Variants in MAGI1 observed in about 807,000 individuals in gnomAD.
The protein encoded by MAGI1 is membrane-associated guanylate kinase, WW and PDZ domain-containing protein 1.
MAGI1 carries 58 observed loss-of-function variants against 139.9 expected under a neutral mutation model. That is an observed-to-expected ratio of 0.41 (90% CI 0.34 to 0.52). The LOEUF is 0.52. Ranked by LOEUF, MAGI1 falls within the 20% of genes least tolerant of loss-of-function variation. The probability of loss-of-function intolerance (pLI) is 0.12; values close to 1 mark genes in which losing one functional copy is unlikely to be tolerated. For missense variants in MAGI1, 1,874 were observed against 1,901.6 expected, an observed-to-expected ratio of 0.99 and a Z score of 0.27; for synonymous variants, 812 against 737.9, an observed-to-expected ratio of 1.10 and a Z score of -1.63.
At chr3:65,922,076 C>T (rs2062232170) in intron 1 of MAGI1, among the ~76,000 whole-genome samples, 1 of 152,168 alleles carries the variant, frequency 6.6e-6, no homozygotes, top group Non-Finnish European at 1.5e-5. Context: ...TGGTTTATCT[C>T]CATCACTCAT....
intron 3 of MAGI1, among the ~76,000 whole-genome samples, chr3:65,490,467 G>C (rs1018889794): frequency 6.6e-6 from 1 of 152,148 alleles, no homozygotes; most frequent in Admixed American, 6.5e-5. Flanking sequence ...ACTCCGATGA[G>C]GGTATATGGC....
At chr3:65,634,141 C>T (rs986575506) in intron 1 of MAGI1, among the ~76,000 whole-genome samples, 31 of 152,132 alleles carry the variant, frequency 2.0e-4, no homozygotes, top group African/African-American at 7.5e-4. Flanking sequence ...GCCCCATCAC[C>T]CAGGTAGCAA....
chr3:65,569,769 TG>T (rs2080858460), intron 2 of MAGI1, among the ~76,000 whole-genome samples: 1 of 151,684 alleles, frequency 6.6e-6, no homozygotes. Flanking sequence ...CCCTTCTACT[TG>T]GGGGGCTGAT....
intron 1 of MAGI1, among the ~76,000 whole-genome samples, chr3:66,019,364 A>G (rs758840662): frequency 6.6e-5 from 10 of 152,272 alleles, no homozygotes; most frequent in Non-Finnish European, 1.5e-4. Flanking sequence ...TCTATATACC[A>G]GTGGCACTTC....
intron 2 of MAGI1, among the ~76,000 whole-genome samples, chr3:65,530,734 T>C (rs1463483153): frequency 1.9e-4 from 21 of 110,056 alleles, no homozygotes; most frequent in African/African-American, 6.4e-4. Context: ...CACACGTATA[T>C]ATATATGCAC....
intron 1 of MAGI1, among the ~76,000 whole-genome samples, chr3:65,789,112 T>C (rs1577123341): frequency 6.6e-6 from 1 of 151,994 alleles, no homozygotes. Flanking sequence ...GCCTAGGAGG[T>C]GGAGGCTATA....
chr3:65,493,776 A>G, intron 2 of MAGI1, 145 bp from the exon 3 acceptor site: 7 of 844,808 alleles, frequency 8.3e-6, no homozygotes, highest in Middle Eastern at 2.7e-4. Flanking sequence ...GGGACACAGT[A>G]AAGGCAACTT....
chr3:65,437,213 A>T lies in MAGI1; in HGVS notation c.1305T>A (p.Pro435=), dbSNP rs753419226. The T allele has an allele frequency of 1.2e-6, 2 of 1,612,254 alleles. No individual in the cohort carries two copies. The highest frequency in any genetic ancestry group is 2.2e-5 in the South Asian group (2 of 90,998). The change falls in exon 10 of 23, where the codon CCT becomes CCA. Residue 435 remains proline (P), a synonymous_variant. Coordinates refer to ENST00000402939, the MANE Select transcript of MAGI1 (RefSeq NM_001033057.2). ...TGCTTGGAGGGTGGTTTGGAATAAC[A>T]GGAGGCACAAGGGCTGAGTGATCTT... ...WTEDHSALVP[P]VIPNHPPSNP... is the part of the protein sequence containing the mutation.
chr3:65,840,740 G>GTTTTGT (rs1329675861), intron 1 of MAGI1, among the ~76,000 whole-genome samples: 2 of 152,086 alleles, frequency 1.3e-5, no homozygotes, highest in East Asian at 3.9e-4. Flanking sequence ...GTAGCTGTTT[G>GTTTTGT]TTTTGTTTTT....
chr3:65,632,391 G>A (rs2107165427), intron 1 of MAGI1, among the ~76,000 whole-genome samples: 1 of 152,252 alleles, frequency 6.6e-6, no homozygotes, highest in South Asian at 2.1e-4. Flanking sequence ...TTCATTTTGA[G>A]AAACTGCTTG....
intron 1 of MAGI1, among the ~76,000 whole-genome samples, chr3:66,027,265 C>CAAAAAAAT (rs761343259): frequency 0.031 from 2,147 of 69,786 alleles, 54 homozygotes; most frequent in Middle Eastern, 0.054. Context: ...GACTCCGTCT[C>CAAAAAAAT]AAATAAATAA....
chr3:65,588,559 G>A (rs2081804243), intron 2 of MAGI1, among the ~76,000 whole-genome samples: 1 of 152,140 alleles, frequency 6.6e-6, no homozygotes, highest in South Asian at 2.1e-4. Flanking sequence ...GGTGAGATGG[G>A]CAGTTCAAAT....
intron 1 of MAGI1, among the ~76,000 whole-genome samples, chr3:65,650,470 T>C (rs753648920): frequency 4.6e-5 from 7 of 152,204 alleles, no homozygotes; most frequent in Non-Finnish European, 8.8e-5. Context: ...GAAGGAACTA[T>C]TGATACATGC....
intron 5 of MAGI1, among the ~76,000 whole-genome samples, chr3:65,457,644 CTATT>C (rs748074444): frequency 7.9e-4 from 120 of 151,818 alleles, no homozygotes; most frequent in Non-Finnish European, 9.0e-4. Flanking sequence ...TATACACTTG[CTATT>C]TATTAAATTT....
chr3:65,968,690 C>T (rs2064877398), intron 1 of MAGI1, among the ~76,000 whole-genome samples: 1 of 151,756 alleles, frequency 6.6e-6, no homozygotes, highest in African/African-American at 2.4e-5. Context: ...GGACAAGAAA[C>T]TGGAGAAGTC....
At chr3:65,725,851 A>G (rs930806046) in intron 1 of MAGI1, among the ~76,000 whole-genome samples, 4 of 152,202 alleles carry the variant, frequency 2.6e-5, no homozygotes, top group African/African-American at 7.2e-5. Flanking sequence ...CAACGTTAGA[A>G]AAGTCTATGC....
chr3:65,446,421 T>C (rs993768520), intron 7 of MAGI1, among the ~76,000 whole-genome samples: 1 of 152,186 alleles, frequency 6.6e-6, no homozygotes, highest in African/African-American at 2.4e-5. Flanking sequence ...AGAGAACTCA[T>C]GTTTAGAGTC....
At position 65,616,123 on chromosome 3, in the gene MAGI1, A is replaced by G. The variant is rs115326935; in HGVS notation, c.430+5849T>C. 2.2e-3 allele frequency among the ~76,000 whole-genome samples: 331 copies of G among 152,316 alleles called. 3 individuals carry two copies. Among genetic ancestry groups the G allele is most frequent in the African/African-American group, 6.5e-3 (271 of 41,570 alleles). ...ATGGACAAGGGAACCTCATACCACA[A>G]TAAGAAACATTCACTTCTTTGTTCT... On this transcript the variant is annotated intron_variant, in intron 2 of 22. Coordinates refer to ENST00000402939, the MANE Select transcript of MAGI1 (RefSeq NM_001033057.2).
chr3:65,548,636 C>T (rs1269477257), intron 2 of MAGI1, among the ~76,000 whole-genome samples: 1 of 150,510 alleles, frequency 6.6e-6, no homozygotes, highest in African/African-American at 2.5e-5. Context: ...TATTCTCCTG[C>T]CTCAGCCTCC....
Sources: gnomAD v4.1 joint callset for allele counts (sites outside exome capture counted in the v4.1 genomes callset) on GRCh38, gnomAD v4.1.1 for gene constraint, MANE v1.5 for transcripts, NCBI Gene and HGNC (gene_info 2026-07-23, HGNC 2026-07-21) for gene names.